The following GDI2 variants were observed in gnomAD, a reference collection of about 807,000 sequenced individuals.
GDI2 encodes the protein rab GDP dissociation inhibitor beta.
A neutral mutation model predicts 54.2 loss-of-function variants in GDI2; 22 were observed. That is an observed-to-expected ratio of 0.41 (90% CI 0.29 to 0.58). The LOEUF (loss-of-function observed/expected upper bound fraction) is 0.58. GDI2 is among the 20% of genes least tolerant of loss of function. GDI2 has a pLI of 0.35. For synonymous variants in GDI2, 177 were observed against 182.1 expected, an observed-to-expected ratio of 0.97 and a Z score of 0.23; for missense variants, 422 against 546.0, an observed-to-expected ratio of 0.77 and a Z score of 2.26.
chr10:5,800,446 T>G, intron 2 of GDI2, 152 bp downstream of exon 2: 1 of 611,780 alleles, frequency 1.6e-6, no homozygotes, highest in East Asian at 2.8e-5. Context: ...TAAATTTCTA[T>G]GAGCTTCAAA....
At chr10:5,769,700 C>A (rs371863412) in intron 7 of GDI2, among the ~76,000 whole-genome samples, 59 of 152,240 alleles carry the variant, frequency 3.9e-4, no homozygotes, top group African/African-American at 1.3e-3. Context: ...TACTACCTCA[C>A]AACCGTTAAG....
intron 1 of GDI2, among the ~76,000 whole-genome samples, chr10:5,806,754 T>A (rs1400882103): frequency 6.6e-6 from 1 of 152,160 alleles, no homozygotes; most frequent in African/African-American, 2.4e-5. Context: ...TAGTTCCACA[T>A]ATGAAAATAA....
At chr10:5,797,044 A>G (rs528472104) in intron 2 of GDI2, among the ~76,000 whole-genome samples, 182 bp from the exon 3 acceptor site, 1 of 152,324 alleles carries the variant, frequency 6.6e-6, no homozygotes, top group South Asian at 2.1e-4. Flanking sequence ...ATGTAAATTA[A>G]TTACTAAACT....
intron 4 of GDI2, among the ~76,000 whole-genome samples, chr10:5,793,720 C>G (rs1276664755): frequency 6.6e-6 from 1 of 152,168 alleles, no homozygotes; most frequent in Non-Finnish European, 1.5e-5. Flanking sequence ...TTATCCTTCT[C>G]CAAACTGCTC....
intron 6 of GDI2, among the ~76,000 whole-genome samples, chr10:5,782,134 A>C (rs1840771316): frequency 1.3e-5 from 2 of 152,262 alleles, no homozygotes; most frequent in African/African-American, 4.8e-5. Context: ...TACAAGTCAA[A>C]AACAGAAAGA....
intron 7 of GDI2, among the ~76,000 whole-genome samples, chr10:5,773,445 G>T (rs1840545005): frequency 6.6e-6 from 1 of 151,818 alleles, no homozygotes; most frequent in Admixed American, 6.6e-5. Context: ...CTACTGATTA[G>T]AACATGCACT....
Position 5,785,979 on chromosome 10 carries a change from C to A in GDI2, c.460G>T (p.Asp154Tyr), listed in dbSNP as rs750474960. The change falls in exon 5 of 11, where the codon GAT becomes TAT. Residue 154 changes from aspartate to tyrosine, a missense_variant. Coordinates refer to ENST00000380191, the MANE Select transcript of GDI2 (RefSeq NM_001494.4). ...LVYVANFDEK[D>Y]PRTFEGIDPK... ...TCAATGCCTTCAAAAGTTCTTGGAT[C>A]TTTTTCATCGAAGTTGGCAACATAC... 3 of 1,613,518 alleles carry A rather than the reference C, an allele frequency of 1.9e-6. No homozygotes were observed. Among genetic ancestry groups the A allele is most frequent in the South Asian group, 2.2e-5 (2 of 91,074 alleles).
chr10:5,794,447 C>T (rs1176361933), intron 4 of GDI2, among the ~76,000 whole-genome samples: 2 of 151,676 alleles, frequency 1.3e-5, no homozygotes, highest in African/African-American at 4.8e-5. Context: ...CTACTTATTA[C>T]GTATGCAATT....
rs536538019 is a variant in GDI2, at chr10:5,777,221, C to T, written c.720-3280G>A. Among the ~76,000 whole-genome samples, 16 of 152,208 alleles carry T rather than the reference C, an allele frequency of 1.1e-4. No homozygotes were observed. In the East Asian group the frequency reaches 3.1e-3, roughly 29 times the overall value. ...GGCACGGTGGCTCATGCCTGTAATC[C>T]CAGCACTTTGAAAGGCCGAGGCGGG... On this transcript the variant is annotated intron_variant, in intron 6 of 10. Transcript: ENST00000380191.
chr10:5,812,380 T>G (rs1841495478), intron 1 of GDI2, among the ~76,000 whole-genome samples: 1 of 152,116 alleles, frequency 6.6e-6, no homozygotes, highest in Non-Finnish European at 1.5e-5. Context: ...ATCTTCCAAC[T>G]CCCTGAAGAA....
chr10:5,783,776 C>T (rs1292124371), intron 6 of GDI2, among the ~76,000 whole-genome samples: 4 of 152,202 alleles, frequency 2.6e-5, no homozygotes, highest in African/African-American at 9.7e-5. Context: ...ATCCCAATCC[C>T]TTCTAGCTTT....
At position 5,767,608 on chromosome 10, in the gene GDI2, GAA is replaced by G. The variant is rs58346790; in HGVS notation, c.991+603_991+604del. The stretch of plus-strand genomic sequence containing the variant: ...CCATGATTTCATTTCTTATATGGGG[GAA>G]AAAAAATCATTATACAGATAGCTCT... On this transcript the variant is annotated intron_variant, in intron 8 of 10. Transcript: ENST00000380191. Among the ~76,000 whole-genome samples the G allele has an allele frequency of 3.3e-5, 5 of 151,790 alleles. No individual in the cohort carries two copies. In the South Asian group the frequency reaches 1.0e-3, roughly 32 times the overall value.
intron 7 of GDI2, among the ~76,000 whole-genome samples, chr10:5,769,737 T>C (rs1016652434): frequency 3.9e-5 from 6 of 152,134 alleles, no homozygotes; most frequent in African/African-American, 1.4e-4. Context: ...CAAAATTAAG[T>C]GTCAAGGATA....
At position 5,766,518 on chromosome 10, in the gene GDI2, T is replaced by G. The variant is rs1438606153; in HGVS notation, c.1112A>C (p.Glu371Ala). The part of the protein sequence containing the change: ...EPEKEIRPAL[E>A]LLEPIEQKFV... ...CTTCTGTTCAATTGGTTCCAAGAGC[T>G]CCAAAGCTGGTCTGATTTCCTTCTC... Residue 371 changes from glutamate (E) to alanine (A), a missense_variant, in exon 9 of 11, where the codon GAG (glutamate) becomes GCG (alanine). Coordinates refer to ENST00000380191, the MANE Select transcript of GDI2 (RefSeq NM_001494.4). This position sits in a 1 kb window ranked among gnomAD's most constrained non-coding sequence, Gnocchi z 5.8. The G allele has an allele frequency of 6.2e-7, 1 of 1,613,682 alleles. No homozygotes were observed. The highest frequency in any genetic ancestry group is 1.7e-5 in the Admixed American group (1 of 60,022).
chr10:5,783,607 T>C (rs977090297), intron 6 of GDI2, among the ~76,000 whole-genome samples: 4 of 152,212 alleles, frequency 2.6e-5, no homozygotes, highest in African/African-American at 9.6e-5. Flanking sequence ...TGTTTCAAGA[T>C]TTGGAGCTCC....
chr10:5,772,443 T>A (rs934381663), intron 7 of GDI2, among the ~76,000 whole-genome samples: 1 of 152,136 alleles, frequency 6.6e-6, no homozygotes, highest in Non-Finnish European at 1.5e-5. Context: ...AAAATATATG[T>A]TCAAAAGACC....
At chr10:5,810,505 T>G (rs994005970) in intron 1 of GDI2, among the ~76,000 whole-genome samples, 6 of 152,130 alleles carry the variant, frequency 3.9e-5, no homozygotes, top group African/African-American at 7.2e-5. Context: ...GGAAAAAATA[T>G]GAAGAGTAAA....
In GDI2 at chr10:5,776,895, A is replaced by C; in HGVS notation, c.720-2954T>G. The C allele has an allele frequency of 6.8e-6, 6 of 881,156 alleles. No individual in the cohort carries two copies. The highest frequency in any genetic ancestry group is 1.0e-5 in the Non-Finnish European group (6 of 582,048). 54.6% of individuals were successfully genotyped at this position (881,156 alleles called of 1,614,324 possible). A position where few individuals can be genotyped will look rare whatever the true frequency, so the allele number is the denominator to read the frequency against. On this transcript the variant is annotated intron_variant, in intron 6 of 10. Transcript: ENST00000380191. This position sits in a 1 kb window ranked among gnomAD's most constrained non-coding sequence, Gnocchi z 5.3. ...GGCCAGAGAAGAGGGGAGAAGAGGAAATAATGCGAAAACAGTTAATCCAGC... is the reference window on the plus strand; with the variant it reads ...GGCCAGAGAAGAGGGGAGAAGAGGACATAATGCGAAAACAGTTAATCCAGC...
intron 3 of GDI2, among the ~76,000 whole-genome samples, chr10:5,796,258 G>A (rs1041473848): frequency 1.3e-5 from 2 of 151,386 alleles, no homozygotes; most frequent in Non-Finnish European, 2.9e-5. Flanking sequence ...GCTGAGGCAG[G>A]AGAATTGCTT....
Sources: allele counts gnomAD v4.1 joint callset (sites outside exome capture counted in the v4.1 genomes callset), GRCh38; gene constraint gnomAD v4.1.1; non-coding constraint Gnocchi (gnomAD v3.1); transcripts MANE v1.5; gene names NCBI Gene and HGNC (gene_info 2026-07-23, HGNC 2026-07-21).